Variants in RGPD3 observed in about 807,000 individuals in gnomAD.
RGPD3 encodes the protein RANBP2 like and GRIP domain containing 3.
RGPD3 carries 62 observed loss-of-function variants against 154.5 expected under a neutral mutation model. The ratio of observed to expected loss-of-function variants is 0.40; its 90% CI spans 0.33 to 0.50. The LOEUF is 0.50. Among genes scored for constraint, RGPD3 ranks in the 20% least tolerant of loss-of-function variants. RGPD3 has a pLI of 0.59. For synonymous variants in RGPD3, 308 were observed against 607.0 expected, an observed-to-expected ratio of 0.51 and a Z score of 7.24; for missense variants, 919 against 1,716.8, an observed-to-expected ratio of 0.54 and a Z score of 8.21.
intron 6 of RGPD3, among the ~76,000 whole-genome samples, chr2:106,448,779 C>A (rs1448070470): frequency 6.6e-6 from 1 of 151,982 alleles, no homozygotes; most frequent in Non-Finnish European, 1.5e-5. Flanking sequence ...CAACCTCTGA[C>A]TCCCAGGTTC....
chr2:106,438,052 T>A (rs1677624297), intron 9 of RGPD3, among the ~76,000 whole-genome samples: 2 of 152,212 alleles, frequency 1.3e-5, no homozygotes, highest in Non-Finnish European at 2.9e-5. Context: ...TGCCTCAGCC[T>A]CCTGAGTAGG....
chr2:106,465,916 G>A (rs1361380001), intron 1 of RGPD3, among the ~76,000 whole-genome samples: 2 of 151,888 alleles, frequency 1.3e-5, no homozygotes, highest in Non-Finnish European at 2.9e-5. Flanking sequence ...TCCGCGCTGA[G>A]ATGCCTACCT....
chr2:106,461,493 T>G (rs1465771184), intron 1 of RGPD3, among the ~76,000 whole-genome samples: 3 of 152,134 alleles, frequency 2.0e-5, no homozygotes, highest in Non-Finnish European at 4.4e-5. Flanking sequence ...CGTGAAATTT[T>G]TATCATGTTA....
At position 106,446,586 on chromosome 2, in the gene RGPD3, A is replaced by C. The variant is rs1169464631; in HGVS notation, c.978+832T>G. ...CTCCATCTCAAAAAAAAAAAAAAAA[A>C]AAAAAGGCCAGGCGCGCCAGGCGCA... On this transcript the variant is annotated intron_variant, in intron 7 of 22. Coordinates refer to ENST00000409886, the MANE Select transcript of RGPD3 (RefSeq NM_001144013.2). Among the ~76,000 whole-genome samples, 280 of 140,580 alleles carry C rather than the reference A, an allele frequency of 2.0e-3. 1 individual carries two copies. The highest frequency in any genetic ancestry group is 7.1e-3 in the African/African-American group (269 of 38,072). The allele number at this position is 140,580 out of a possible 152,430, so 92.2% of individuals were successfully genotyped here. A position where few individuals can be genotyped will look rare whatever the true frequency, so the allele number is the denominator to read the frequency against.
chr2:106,467,541 C>G (rs1489065061), intron 1 of RGPD3, among the ~76,000 whole-genome samples: 4 of 111,792 alleles, frequency 3.6e-5, no homozygotes, highest in East Asian at 5.2e-4. Flanking sequence ...GTTGAGGCCG[C>G]CGCCTCAACA....
chr2:106,469,705 T>G (rs1251792685), upstream of RGPD3, among the ~76,000 whole-genome samples: 1 of 152,064 alleles, frequency 6.6e-6, no homozygotes, highest in Non-Finnish European at 1.5e-5. Context: ...ACAAAACCAA[T>G]CAGCTGACAA....
At position 106,404,027 on chromosome 2, in the gene RGPD3, G is replaced by C. The variant is rs1454910507; in HGVS notation, c.*1192C>G. 1.3e-5 allele frequency among the ~76,000 whole-genome samples: 2 copies of C among 152,124 alleles called. No individual in the cohort carries two copies. Among genetic ancestry groups the C allele is most frequent in the African/African-American group, 4.8e-5 (2 of 41,374 alleles). On this transcript the variant is annotated 3_prime_UTR_variant, in exon 23 of 23. Transcript: ENST00000409886. ...ATCTAGTCATTAAAACATATGCAGCGGTGTCAAAGGCAAGTAACACTACCA... is the reference window on the plus strand; with the variant it reads ...ATCTAGTCATTAAAACATATGCAGCCGTGTCAAAGGCAAGTAACACTACCA...
Position 106,468,343 on chromosome 2 carries a change from A to C in RGPD3, c.-55T>G. 2 of 1,562,970 alleles carry C rather than the reference A, an allele frequency of 1.3e-6. No individual in the cohort carries two copies. The highest frequency in any genetic ancestry group is 2.4e-5 in the East Asian group (1 of 41,980). ...TGAGACCAGCGCTCAGCCCCGCAGC[A>C]GTCGCCAATTCCAAGAGGAAAGCGC... On this transcript the variant is annotated 5_prime_UTR_variant, in exon 1 of 23. Transcript: ENST00000409886.
intron 22 of RGPD3, among the ~76,000 whole-genome samples, chr2:106,407,144 A>G (rs1676540242): frequency 6.6e-6 from 1 of 150,840 alleles, no homozygotes; most frequent in Non-Finnish European, 1.5e-5. Flanking sequence ...AGTTGGAAGA[A>G]TTTAGTTCCT....
chr2:106,468,805 C>CAAAAAAAAAA (rs57971663), upstream of RGPD3, among the ~76,000 whole-genome samples: 1 of 56,916 alleles, frequency 1.8e-5, no homozygotes, highest in African/African-American at 8.0e-5. Flanking sequence ...GACTCCATCT[C>CAAAAAAAAAA]AAAAAAAAAA....
At chr2:106,448,322 G>A (rs1295961845) in intron 6 of RGPD3, among the ~76,000 whole-genome samples, 1 of 152,214 alleles carries the variant, frequency 6.6e-6, no homozygotes. Flanking sequence ...ATGTTGGCCA[G>A]GCTGGTCTCG....
At chr2:106,446,290 G>A (rs1438469961) in intron 7 of RGPD3, among the ~76,000 whole-genome samples, 1 of 149,834 alleles carries the variant, frequency 6.7e-6, no homozygotes, top group East Asian at 2.0e-4. Flanking sequence ...AAAAAGGCTG[G>A]GCATGGTGGC....
upstream of RGPD3, among the ~76,000 whole-genome samples, chr2:106,470,087 A>C (rs567984690): frequency 2.0e-5 from 3 of 152,348 alleles, no homozygotes; most frequent in East Asian, 1.9e-4. Flanking sequence ...CTTCTCAATA[A>C]AACTGTTCTA....
chr2:106,446,172 T>A, intron 7 of RGPD3, among the ~76,000 whole-genome samples: 1 of 126,646 alleles, frequency 7.9e-6, no homozygotes, highest in African/African-American at 2.9e-5. Flanking sequence ...CAAAAAATCC[T>A]TCTCTAAAAT....
At chr2:106,446,294 TG>T (rs1487377394) in intron 7 of RGPD3, among the ~76,000 whole-genome samples, 1 of 137,506 alleles carries the variant, frequency 7.3e-6, no homozygotes, top group Non-Finnish European at 1.5e-5. Flanking sequence ...AGGCTGGGCA[TG>T]GTGGCTCACG....
rs199689380 is a variant in RGPD3 at position 106,423,913 on chromosome 2, C to T, written c.4054G>A (p.Glu1352Lys). The T allele has an allele frequency of 5.5e-3, 8,877 of 1,611,794 alleles. 34 individuals carry two copies. Among genetic ancestry groups the T allele is most frequent in the Non-Finnish European group, 6.8e-3 (8,005 of 1,179,844 alleles). ...TGACTAAAAACAACTTGTTCATTTTCCTCACCACTGGATACTTCAACTAGA... is the reference window on the plus strand; with the variant it reads ...TGACTAAAAACAACTTGTTCATTTTTCTCACCACTGGATACTTCAACTAGA... ...PDLVEVSSGE[E>K]NEQVVFSHRA... The change falls in exon 20 of 23, where the codon GAA (glutamate) becomes AAA (lysine). Residue 1352 changes from glutamate (E) to lysine (K), a missense_variant. By Grantham distance (56) the Glu-to-Lys change is moderately conservative. Transcript: ENST00000409886.
In RGPD3 at chr2:106,462,706, C is replaced by T. The variant is rs73952231; in HGVS notation, c.73-3374G>A. Among the ~76,000 whole-genome samples, 875 of 152,100 alleles carry T rather than the reference C, an allele frequency of 5.8e-3. 7 individuals are homozygous for T. The highest frequency in any genetic ancestry group is 0.019 in the African/African-American group (802 of 41,480). On this transcript the variant is annotated intron_variant, in intron 1 of 22. Coordinates refer to ENST00000409886, the MANE Select transcript of RGPD3 (RefSeq NM_001144013.2). ...ATTTCTCTTTTTTTTTAAATTCAAA[C>T]GGAGTCTCGCTCTGTCACCCATCTT...
At chr2:106,441,855 C>T (rs1199888085) in intron 7 of RGPD3, among the ~76,000 whole-genome samples, 4 of 92,674 alleles carry the variant, frequency 4.3e-5, no homozygotes, top group Non-Finnish European at 8.3e-5. Context: ...AAGAGTGAGA[C>T]TCCATCGCAA....
At chr2:106,470,408 T>C (rs1296456089), upstream of RGPD3, among the ~76,000 whole-genome samples, 1 of 152,342 alleles carries the variant, frequency 6.6e-6, no homozygotes, top group East Asian at 1.9e-4. Flanking sequence ...AAGACTGACA[T>C]GTCTCTCAGA....
Sources: allele counts gnomAD v4.1 joint callset (sites outside exome capture counted in the v4.1 genomes callset), GRCh38; gene constraint gnomAD v4.1.1; transcripts MANE v1.5; gene names NCBI Gene and HGNC (gene_info 2026-07-23, HGNC 2026-07-21).